FCRL5: variants seen among roughly 807,000 people sequenced by gnomAD.
FCRL5 encodes Fc receptor-like protein 5.
Under a neutral mutation model 92.1 loss-of-function variants are expected in FCRL5, and 79 were observed. The observed-to-expected ratio is 0.86, with a 90% CI of 0.72 to 1.03. The LOEUF (loss-of-function observed/expected upper bound fraction) is 1.03, where lower values mean the gene tolerates loss of function less well. Among genes scored for constraint, FCRL5 ranks in the 50% least tolerant of loss-of-function variants. The probability of loss-of-function intolerance (pLI) is 0.00; values close to 1 mark genes in which losing one functional copy is unlikely to be tolerated. For synonymous variants in FCRL5, 466 were observed against 469.3 expected, an observed-to-expected ratio of 0.99 and a Z score of 0.09; for missense variants, 1,160 against 1,181.1, an observed-to-expected ratio of 0.98 and a Z score of 0.26.
chr1:157,552,474 A>C lies in FCRL5; in HGVS notation c.-112T>G. ...ACTGCACACCAGCTCCAAGGAGCAC[A>C]TCTGAGAAGCTGTGCTCTCAAAAAG... On this transcript the variant is annotated 5_prime_UTR_variant, in exon 1 of 17. It removes an upstream start codon present in the reference 5' UTR. Transcript: ENST00000361835. 1 of 1,098,548 alleles carries C rather than the reference A, an allele frequency of 9.1e-7. No homozygotes were observed. Among genetic ancestry groups the C allele is most frequent in the East Asian group, 2.4e-5 (1 of 42,050 alleles). The allele number at this position is 1,098,548 out of a possible 1,614,324, so 68.1% of individuals were successfully genotyped here.
At chr1:157,550,089 G>T (rs1317536143) in intron 1 of FCRL5, among the ~76,000 whole-genome samples, 1 of 152,068 alleles carries the variant, frequency 6.6e-6, no homozygotes, top group Non-Finnish European at 1.5e-5. Flanking sequence ...TTTGTGTGTG[G>T]TAAGAGGCGA....
Position 157,521,240 on chromosome 1 carries a change from C to A in FCRL5, c.2292G>T (p.Ala764=), listed in dbSNP as rs552385476. The A allele has an allele frequency of 5.0e-6, 8 of 1,614,102 alleles. No homozygotes were observed. The highest frequency in any genetic ancestry group is 1.7e-5 in the Admixed American group (1 of 60,012). ...AGTGAAGCTCCAGCAGGTCCCCCACCGCAGCATGGGTCCCGGGAGCCCTGA... is the reference window on the plus strand; with the variant it reads ...AGTGAAGCTCCAGCAGGTCCCCCACAGCAGCATGGGTCCCGGGAGCCCTGA... ...LTLRAPGTHA[A]VGDLLELHCE... The change falls in exon 11 of 17, where the codon GCG becomes GCT. Residue 764 remains alanine (A), a synonymous_variant. Transcript: ENST00000361835.
intron 1 of FCRL5, 21 bp from the exon 2 acceptor site, chr1:157,549,601 G>T: frequency 6.2e-7 from 1 of 1,611,080 alleles, no homozygotes; most frequent in South Asian, 1.1e-5. Context: ...ATAAGAGCCA[G>T]AGATGAGCAC....
chr1:157,528,947 A>G (rs1650564622), intron 8 of FCRL5, among the ~76,000 whole-genome samples: 1 of 152,250 alleles, frequency 6.6e-6, no homozygotes, highest in Non-Finnish European at 1.5e-5. Flanking sequence ...AACAAAAACA[A>G]TAATAAATAG....
rs1386981020 is a variant in FCRL5, at chr1:157,552,499, G to T, written c.-137C>A. On this transcript the variant is annotated 5_prime_UTR_variant, in exon 1 of 17. Coordinates refer to ENST00000361835, the MANE Select transcript of FCRL5 (RefSeq NM_031281.3). Reference sequence around the variant, plus strand: ...ATCTGAGAAGCTGTGCTCTCAAAAAGAGCAGAATGCATTAGTGAATTGAAA... The same window carrying T: ...ATCTGAGAAGCTGTGCTCTCAAAAATAGCAGAATGCATTAGTGAATTGAAA... 2.4e-6 allele frequency: 2 copies of T among 832,038 alleles called. No individual in the cohort carries two copies. The highest frequency in any genetic ancestry group is 2.0e-5 in the Admixed American group (1 of 49,146). The allele number at this position is 832,038 out of a possible 1,614,324, so 51.5% of individuals were successfully genotyped here.
chr1:157,538,982 G>C, intron 7 of FCRL5, 104 bp downstream of exon 7: 1 of 1,283,162 alleles, frequency 7.8e-7, no homozygotes, highest in Non-Finnish European at 1.1e-6. Context: ...GTTGTTTCAA[G>C]AAAGAAACAG....
At chr1:157,541,388 G>A (rs138288719) in intron 6 of FCRL5, among the ~76,000 whole-genome samples, 1 of 152,336 alleles carries the variant, frequency 6.6e-6, no homozygotes, top group East Asian at 1.9e-4. Context: ...ATGGAGCCCA[G>A]ATTGCCCTGC....
Position 157,544,351 on chromosome 1 carries a change from C to G in FCRL5, c.755G>C (p.Ser252Thr). The G allele has an allele frequency of 1.2e-5, 20 of 1,614,218 alleles. No homozygotes were observed. Among genetic ancestry groups the G allele is most frequent in the Non-Finnish European group, 1.7e-5 (20 of 1,180,026 alleles). Residue 252 changes from serine (S) to threonine (T), a missense_variant, in exon 5 of 17, where the codon AGT becomes ACT. By Grantham distance (58) the Ser-to-Thr change is moderately conservative. Coordinates refer to ENST00000361835, the MANE Select transcript of FCRL5 (RefSeq NM_031281.3). ...ACACCAGTAGAACCCTGAATCTTTA[C>G]TCCACATGGCAGTAATCTGGAAATT... ...SPNFQITAMW[S>T]KDSGFYWCKA... is the part of the protein sequence containing the mutation.
At position 157,518,709 on chromosome 1, in the gene FCRL5, A is replaced by G. The variant is rs1650044971; in HGVS notation, c.2734T>C (p.Tyr912His). The change falls in exon 14 of 17, where the codon TAC becomes CAC. Residue 912 changes from tyrosine to histidine, a missense_variant. Tyr to His is a moderately conservative substitution (Grantham distance 83). Transcript: ENST00000361835. ...VPAWEELQPV[Y>H]TNANPRGENV... ...GATCCTCGGGCCTCACCATTAGTGT[A>G]CACTGGTTGCAGCTCTTCCCAGGCT... 1.2e-6 allele frequency: 2 copies of G among 1,612,616 alleles called. No individual in the cohort carries two copies. The highest frequency in any genetic ancestry group is 1.7e-5 in the Admixed American group (1 of 59,866).
chr1:157,541,886 C>G (rs748227610), intron 6 of FCRL5: 5 of 152,272 alleles, frequency 3.3e-5, no homozygotes, highest in African/African-American at 4.8e-5. Context: ...TTAAACATCT[C>G]TGAGCATGTT....
In FCRL5 at chr1:157,546,968, G is replaced by A; in HGVS notation, c.282C>T (p.Ser94=). 1 of 1,614,116 alleles carries A rather than the reference G, an allele frequency of 6.2e-7. No homozygotes were observed. ...CTGAAGAAAAATCCAAGTGCACAGG[G>A]CTACTGAGAGGGGAGCCCTGGGCCT... ...RCQAQGSPLS[S]PVHLDFSSAS... is the part of the protein sequence containing the mutation. The change falls in exon 3 of 17, where the codon AGC becomes AGT. Residue 94 remains serine (S), a synonymous_variant. Coordinates refer to ENST00000361835, the MANE Select transcript of FCRL5 (RefSeq NM_031281.3).
intron 7 of FCRL5, among the ~76,000 whole-genome samples, chr1:157,535,689 G>A (rs1022079769): frequency 2.6e-5 from 4 of 152,054 alleles, no homozygotes; most frequent in African/African-American, 9.7e-5. Context: ...TTTAAGTTCT[G>A]GTGTGTGTAT....
At chr1:157,521,454 T>G (rs1469739080) in intron 10 of FCRL5, 162 bp from the exon 11 acceptor site, 1 of 799,958 alleles carries the variant, frequency 1.3e-6, no homozygotes, top group Admixed American at 3.4e-5. Context: ...TAGTTTTCAG[T>G]GTACAAAAAT....
intron 8 of FCRL5, among the ~76,000 whole-genome samples, chr1:157,529,811 A>G (rs967595051): frequency 1.3e-5 from 2 of 152,210 alleles, no homozygotes; most frequent in African/African-American, 4.8e-5. Context: ...CTGGGGATTC[A>G]GTGGAAGAGT....
At chr1:157,526,819 C>G (rs527536213) in intron 9 of FCRL5, among the ~76,000 whole-genome samples, 16 of 151,970 alleles carry the variant, frequency 1.1e-4, no homozygotes, top group Non-Finnish European at 1.5e-4. Flanking sequence ...GGAGCTGACG[C>G]AAGCAGAAGG....
At chr1:157,528,150 A>G (rs560503637) in intron 8 of FCRL5, 1 of 330,726 alleles carries the variant, frequency 3.0e-6, no homozygotes, top group South Asian at 1.1e-4. Context: ...TACACAAATC[A>G]GTAACACTGC....
At chr1:157,537,482 GC>G (rs1255494513) in intron 7 of FCRL5, among the ~76,000 whole-genome samples, 2 of 152,282 alleles carry the variant, frequency 1.3e-5, no homozygotes, top group African/African-American at 2.4e-5. Flanking sequence ...GACAATGCGT[GC>G]CCGAAGCTTC....
chr1:157,550,395 C>A (rs1349452690), intron 1 of FCRL5, among the ~76,000 whole-genome samples: 1 of 152,058 alleles, frequency 6.6e-6, no homozygotes, highest in Non-Finnish European at 1.5e-5. Flanking sequence ...ATTAAGCCTC[C>A]CTTGGGCACC....
At chr1:157,540,090 A>T (rs1288915619) in intron 6 of FCRL5, among the ~76,000 whole-genome samples, 1 of 152,136 alleles carries the variant, frequency 6.6e-6, no homozygotes, top group African/African-American at 2.4e-5. Context: ...TCAATGTTTC[A>T]CCAGTGCAGT....
Sources: allele counts gnomAD v4.1 joint callset (sites outside exome capture counted in the v4.1 genomes callset), GRCh38; gene constraint gnomAD v4.1.1; transcripts MANE v1.5; gene names NCBI Gene and HGNC (gene_info 2026-07-23, HGNC 2026-07-21).